The following IQGAP2 variants were observed in gnomAD, a reference collection of about 807,000 sequenced individuals.
IQGAP2 encodes the protein ras GTPase-activating-like protein IQGAP2.
A neutral mutation model predicts 201.3 loss-of-function variants in IQGAP2; 173 were observed. The observed-to-expected ratio is 0.86, with a 90% CI of 0.76 to 0.98. The LOEUF (loss-of-function observed/expected upper bound fraction) is 0.98. Ranked by LOEUF, IQGAP2 falls within the 50% of genes least tolerant of loss-of-function variation. IQGAP2 has a pLI of 0.00. For missense variants in IQGAP2, 1,687 were observed against 1,864.8 expected (o/e 0.90, Z 1.76); for synonymous variants, 675 against 673.9 (o/e 1.00, Z -0.03).
intron 13 of IQGAP2, among the ~76,000 whole-genome samples, chr5:76,614,500 T>A (rs578177512): frequency 5.7e-4 from 87 of 152,324 alleles, no homozygotes; most frequent in Non-Finnish European, 9.1e-4. Flanking sequence ...TCTTTCTCTG[T>A]TCATTGACTT....
intron 1 of IQGAP2, among the ~76,000 whole-genome samples, chr5:76,436,518 T>TATATG (rs1439729076): frequency 5.1e-5 from 1 of 19,722 alleles, no homozygotes; most frequent in Non-Finnish European, 7.2e-5. Flanking sequence ...TATATATATA[T>TATATG]TTTTTTTTTT....
At chr5:76,434,808 T>C (rs568115331) in intron 1 of IQGAP2, among the ~76,000 whole-genome samples, 3 of 152,328 alleles carry the variant, frequency 2.0e-5, no homozygotes, top group Non-Finnish European at 4.4e-5. Context: ...TTGTACTAAT[T>C]TACATTCTCA....
chr5:76,545,990 T>C (rs1353462941), intron 2 of IQGAP2, among the ~76,000 whole-genome samples: 3 of 152,234 alleles, frequency 2.0e-5, no homozygotes, highest in Non-Finnish European at 4.4e-5. Flanking sequence ...CATTGGTCTT[T>C]GTTGATTTTC....
At chr5:76,434,868 T>C (rs999361665) in intron 1 of IQGAP2, among the ~76,000 whole-genome samples, 4 of 40,316 alleles carry the variant, frequency 9.9e-5, no homozygotes, top group Non-Finnish European at 7.9e-5. Flanking sequence ...ACAACATCTA[T>C]TGTTTTTTGA....
chr5:76,553,489 C>T (rs545307935), intron 2 of IQGAP2, among the ~76,000 whole-genome samples: 202 of 152,272 alleles, frequency 1.3e-3, no homozygotes, highest in Non-Finnish European at 2.2e-3. Context: ...TTGGTGATTT[C>T]CTGAGTAACA....
At chr5:76,642,348 G>A (rs1458867943) in intron 17 of IQGAP2, among the ~76,000 whole-genome samples, 2 of 152,130 alleles carry the variant, frequency 1.3e-5, no homozygotes, top group Non-Finnish European at 2.9e-5. Flanking sequence ...TGAAGGATGA[G>A]AGAAATGGGG....
At chr5:76,452,779 G>A (rs1252707355) in intron 1 of IQGAP2, among the ~76,000 whole-genome samples, 2 of 151,978 alleles carry the variant, frequency 1.3e-5, no homozygotes, top group African/African-American at 4.8e-5. Flanking sequence ...TTTGGAACCA[G>A]TTGTTTTGAA....
Position 76,695,438 on chromosome 5 carries a change from G to A in IQGAP2, c.3994-16G>A, listed in dbSNP as rs1191806520. Reference sequence around the variant, plus strand: ...GGGATCAGAGAAAACTCAGCATCTTGATATTCTCTTTTCAGGAGGTAGACC... The same window carrying A: ...GGGATCAGAGAAAACTCAGCATCTTAATATTCTCTTTTCAGGAGGTAGACC... On this transcript the variant is annotated splice_polypyrimidine_tract_variant and intron_variant, in intron 31 of 35. Coordinates refer to ENST00000274364, the MANE Select transcript of IQGAP2 (RefSeq NM_006633.5). The A allele has an allele frequency of 6.2e-7, 1 of 1,602,440 alleles. No individual in the cohort carries two copies. The highest frequency in any genetic ancestry group is 2.2e-5 in the East Asian group (1 of 44,814).
chr5:76,454,850 TC>T (rs1362680284), intron 1 of IQGAP2, among the ~76,000 whole-genome samples: 7 of 152,132 alleles, frequency 4.6e-5, no homozygotes, highest in African/African-American at 1.7e-4. Context: ...TAGTTCTAGA[TC>T]CCTGAGGAAT....
chr5:76,551,176 G>A (rs1379096192), intron 2 of IQGAP2, among the ~76,000 whole-genome samples: 1 of 150,962 alleles, frequency 6.6e-6, no homozygotes, highest in African/African-American at 2.4e-5. Flanking sequence ...CGGGGTGGCG[G>A]TCGGGCAGAG....
chr5:76,439,727 G>C (rs1580194010), intron 1 of IQGAP2, among the ~76,000 whole-genome samples: 1 of 151,878 alleles, frequency 6.6e-6, no homozygotes, highest in East Asian at 1.9e-4. Flanking sequence ...TTTACATTGA[G>C]TTTATTTGAG....
chr5:76,701,014 C>T, intron 33 of IQGAP2, 62 bp from the exon 34 acceptor site: 1 of 1,550,924 alleles, frequency 6.4e-7, no homozygotes, highest in Non-Finnish European at 8.9e-7. Context: ...ATGGTAATCG[C>T]ACTACCAGAA....
intron 2 of IQGAP2, among the ~76,000 whole-genome samples, chr5:76,509,356 T>G (rs1013231074): frequency 7.2e-5 from 11 of 152,050 alleles, no homozygotes; most frequent in African/African-American, 2.2e-4. Flanking sequence ...AAACTCTCTC[T>G]TTTATAGTAC....
intron 2 of IQGAP2, among the ~76,000 whole-genome samples, chr5:76,551,040 C>A (rs1307231410): frequency 1.1e-4 from 16 of 151,870 alleles, no homozygotes; most frequent in African/African-American, 3.6e-4. Flanking sequence ...AGGCTCCTCA[C>A]TTCCCGGACG....
chr5:76,469,269 A>G (rs992445508), intron 2 of IQGAP2, among the ~76,000 whole-genome samples: 2 of 152,222 alleles, frequency 1.3e-5, no homozygotes, highest in Admixed American at 1.3e-4. Context: ...CGTATAGAGT[A>G]TTGCTCAATG....
intron 13 of IQGAP2, chr5:76,615,896 C>G (rs1290482934): frequency 6.6e-6 from 1 of 152,582 alleles, no homozygotes; most frequent in Non-Finnish European, 1.5e-5. Context: ...GTATGCCCAA[C>G]CTGAAATGAT....
chr5:76,526,416 T>C (rs576098934), intron 2 of IQGAP2, among the ~76,000 whole-genome samples: 2 of 152,356 alleles, frequency 1.3e-5, no homozygotes, highest in East Asian at 3.9e-4. Context: ...CTTTAGATTT[T>C]CTTAAGAGTT....
chr5:76,477,468 T>G (rs1408355726), intron 2 of IQGAP2, among the ~76,000 whole-genome samples: 1 of 152,196 alleles, frequency 6.6e-6, no homozygotes, highest in Non-Finnish European at 1.5e-5. Flanking sequence ...GGCTGAAAAA[T>G]TCCCAATCAA....
intron 1 of IQGAP2, among the ~76,000 whole-genome samples, chr5:76,410,950 G>T (rs1751076107): frequency 6.6e-6 from 1 of 152,088 alleles, no homozygotes; most frequent in Admixed American, 6.6e-5. Flanking sequence ...TCTTGCCAAG[G>T]TGCCTAAGAG....
Sources: allele counts gnomAD v4.1 joint callset (sites outside exome capture counted in the v4.1 genomes callset), GRCh38; gene constraint gnomAD v4.1.1; transcripts MANE v1.5; gene names NCBI Gene and HGNC (gene_info 2026-07-23, HGNC 2026-07-21).